STXBP6: variants seen among roughly 807,000 people sequenced by gnomAD.
STXBP6 encodes syntaxin-binding protein 6.
In STXBP6, 21 loss-of-function variants were observed where a neutral mutation model predicts 26.9. The observed-to-expected ratio is 0.78, with a 90% CI of 0.55 to 1.12. The LOEUF (loss-of-function observed/expected upper bound fraction) is 1.12. Among genes scored for constraint, STXBP6 ranks in the 50% most tolerant of loss-of-function variants. The pLI, the probability that STXBP6 is intolerant of heterozygous loss-of-function variation, is 0.00. For missense variants in STXBP6, 232 were observed against 257.9 expected (o/e 0.90, Z 0.69); for synonymous variants, 97 against 92.6 (o/e 1.05, Z -0.27).
chr14:24,948,137 A>C (rs2073053194), intron 2 of STXBP6, among the ~76,000 whole-genome samples: 1 of 152,168 alleles, frequency 6.6e-6, no homozygotes, highest in African/African-American at 2.4e-5. Context: ...CTCCGGAGAA[A>C]GCAAAAATGT....
chr14:25,013,559 T>C (rs1156247701), intron 1 of STXBP6, among the ~76,000 whole-genome samples: 2 of 151,800 alleles, frequency 1.3e-5, no homozygotes, highest in Non-Finnish European at 2.9e-5. Flanking sequence ...TATAGTACTT[T>C]TGACAAAAAA....
At chr14:24,868,308 A>C (rs1027678256) in intron 2 of STXBP6, among the ~76,000 whole-genome samples, 2 of 152,186 alleles carry the variant, frequency 1.3e-5, no homozygotes, top group Non-Finnish European at 2.9e-5. Flanking sequence ...CACTTCACTA[A>C]AGAAGATGTG....
intron 1 of STXBP6, among the ~76,000 whole-genome samples, chr14:24,994,607 T>C (rs2074554453): frequency 6.6e-6 from 1 of 152,210 alleles, no homozygotes; most frequent in Non-Finnish European, 1.5e-5. Context: ...TCTTCCATTG[T>C]AGCAGTAATA....
chr14:24,987,177 T>C (rs1361703434), intron 1 of STXBP6, among the ~76,000 whole-genome samples: 3 of 152,150 alleles, frequency 2.0e-5, no homozygotes, highest in Admixed American at 6.5e-5. Flanking sequence ...TTCAAACAAA[T>C]GTGATCGGGA....
At chr14:24,845,728 A>G (rs1478781380) in intron 4 of STXBP6, among the ~76,000 whole-genome samples, 2 of 152,204 alleles carry the variant, frequency 1.3e-5, no homozygotes, top group Non-Finnish European at 2.9e-5. Flanking sequence ...GAAGCTGTGC[A>G]TGGTAAGAGG....
At chr14:25,003,239 G>A (rs1298333638) in intron 1 of STXBP6, among the ~76,000 whole-genome samples, 3 of 152,184 alleles carry the variant, frequency 2.0e-5, no homozygotes, top group Non-Finnish European at 4.4e-5. Context: ...GCTGTAGACA[G>A]GAGTCCCACA....
intron 1 of STXBP6, among the ~76,000 whole-genome samples, chr14:25,038,724 C>G (rs113852109): frequency 6.6e-6 from 1 of 151,942 alleles, no homozygotes; most frequent in Non-Finnish European, 1.5e-5. Flanking sequence ...AGGCTTAGTA[C>G]GTGGACGACA....
chr14:24,933,760 T>C (rs1304191922), intron 2 of STXBP6, among the ~76,000 whole-genome samples: 2 of 152,176 alleles, frequency 1.3e-5, no homozygotes, highest in Admixed American at 6.5e-5. Flanking sequence ...AAATGCTTTA[T>C]AGATTTAGCA....
chr14:25,010,313 A>C (rs2074999692), intron 1 of STXBP6, among the ~76,000 whole-genome samples: 1 of 152,214 alleles, frequency 6.6e-6, no homozygotes, highest in Admixed American at 6.5e-5. Context: ...TTCTCCGGTA[A>C]ACCTATTCAG....
intron 2 of STXBP6, among the ~76,000 whole-genome samples, chr14:24,862,490 T>C (rs2069575616): frequency 6.6e-6 from 1 of 152,168 alleles, no homozygotes; most frequent in Admixed American, 6.5e-5. Context: ...CATAGGGCTT[T>C]GGGAAGCAGA....
intron 2 of STXBP6, among the ~76,000 whole-genome samples, chr14:24,940,579 G>A (rs368281139): frequency 6.6e-6 from 1 of 152,126 alleles, no homozygotes; most frequent in Non-Finnish European, 1.5e-5. Context: ...TAAGAACTAT[G>A]GGTCTATTTT....
In STXBP6 at chr14:24,916,757, G is replaced by A. The variant is rs1171605004; in HGVS notation, c.154+57908C>T. ...CCATGGATCAACAGCATCTGTAACC[G>A]TGGGTGCTTGTTAGAAATGTGGAAT... On this transcript the variant is annotated intron_variant, in intron 2 of 5. Transcript: ENST00000323944. Among the ~76,000 whole-genome samples the A allele has an allele frequency of 3.3e-5, 5 of 152,170 alleles. No individual in the cohort carries two copies. In the South Asian group the frequency reaches 8.3e-4, roughly 25 times the overall value.
rs537214543 is a variant in STXBP6 at position 25,042,934 on chromosome 14, C to G, written c.-33+6944G>C. Among the ~76,000 whole-genome samples, 5 of 152,332 alleles carry G rather than the reference C, an allele frequency of 3.3e-5. No individual in the cohort carries two copies. In the South Asian group the frequency reaches 1.0e-3, roughly 32 times the overall value. On this transcript the variant is annotated intron_variant, in intron 1 of 5. Transcript: ENST00000323944. ...GATGTTCACGTAATGCTGACCACCA[C>G]AAGAACCCTCTTTAAATAGAGATTT... is the stretch of plus-strand genomic sequence containing the variant.
chr14:24,962,232 T>C (rs1467415500), intron 2 of STXBP6, among the ~76,000 whole-genome samples: 1 of 152,168 alleles, frequency 6.6e-6, no homozygotes, highest in Non-Finnish European at 1.5e-5. Context: ...GTGTAGACCA[T>C]GTTAAATATT....
At chr14:24,967,976 G>A (rs143321558) in intron 2 of STXBP6, among the ~76,000 whole-genome samples, 695 of 152,082 alleles carry the variant, frequency 4.6e-3, no homozygotes, top group Non-Finnish European at 7.8e-3. Flanking sequence ...TGGTGACCCC[G>A]GCAGATCATG....
intron 2 of STXBP6, among the ~76,000 whole-genome samples, chr14:24,876,188 C>A (rs1442592233): frequency 6.6e-6 from 1 of 152,100 alleles, no homozygotes; most frequent in African/African-American, 2.4e-5. Flanking sequence ...ACCCTACTAA[C>A]CGGGAAGGCC....
At chr14:24,918,109 G>A (rs1193227372) in intron 2 of STXBP6, among the ~76,000 whole-genome samples, 1 of 152,074 alleles carries the variant, frequency 6.6e-6, no homozygotes, top group Non-Finnish European at 1.5e-5. Flanking sequence ...AAGGGCTGGG[G>A]GAGGTTGTAT....
At chr14:24,989,232 A>G (rs1229485943) in intron 1 of STXBP6, among the ~76,000 whole-genome samples, 1 of 152,164 alleles carries the variant, frequency 6.6e-6, no homozygotes, top group Non-Finnish European at 1.5e-5. Flanking sequence ...TATTTTTCTA[A>G]TAACTGGCCT....
intron 2 of STXBP6, among the ~76,000 whole-genome samples, chr14:24,948,800 AG>A (rs1169156314): frequency 6.6e-6 from 1 of 152,198 alleles, no homozygotes; most frequent in Admixed American, 6.5e-5. Flanking sequence ...TAAAATGTTG[AG>A]TCTGTCACAC....
Sources: allele counts gnomAD v4.1 joint callset (sites outside exome capture counted in the v4.1 genomes callset), GRCh38; gene constraint gnomAD v4.1.1; transcripts MANE v1.5; gene names NCBI Gene and HGNC (gene_info 2026-07-23, HGNC 2026-07-21).